The following CUL2 variants were observed in gnomAD, a reference collection of about 807,000 sequenced individuals.
CUL2 encodes cullin-2.
Under a neutral mutation model 110.2 loss-of-function variants are expected in CUL2, and 22 were observed. The ratio of observed to expected loss-of-function variants is 0.20; its 90% CI spans 0.14 to 0.28. The LOEUF is 0.28. Ranked by LOEUF, CUL2 falls within the 10% of genes least tolerant of loss-of-function variation. CUL2 has a pLI of 1.00. For missense variants in CUL2, 631 were observed against 905.5 expected (o/e 0.70, Z 3.89); for synonymous variants, 279 against 293.2 (o/e 0.95, Z 0.49).
chr10:35,117,850 T>C (rs1306240069), intron 1 of CUL2, among the ~76,000 whole-genome samples: 1 of 152,244 alleles, frequency 6.6e-6, no homozygotes, highest in East Asian at 1.9e-4. Context: ...AAGTATGCTC[T>C]TATGCTTTAA....
chr10:35,032,359 T>TA, intron 12 of CUL2, 76 bp downstream of exon 12: 2 of 1,261,838 alleles, frequency 1.6e-6, no homozygotes, highest in Non-Finnish European at 2.2e-6. Flanking sequence ...AAAACCAAAT[T>TA]AATTTGATAT....
rs749619133 is a variant in CUL2, at chr10:35,029,644, TAA to T, written c.1387-6_1387-5del. On this transcript the variant is annotated splice_region_variant and splice_polypyrimidine_tract_variant and intron_variant, in intron 14 of 20. Transcript: ENST00000374749. ...TAAACTCATAACCACAGGCTTGCTA[TAA>T]AAAAGTTTTAGAAAATACATGAATT... The T allele has an allele frequency of 5.7e-6, 9 of 1,576,804 alleles. No individual in the cohort carries two copies. The South Asian group carries it at 8.4e-5, about 15-fold the overall frequency.
intron 5 of CUL2, among the ~76,000 whole-genome samples, chr10:35,052,542 ATACT>A (rs1184371320): frequency 2.0e-5 from 3 of 152,346 alleles, no homozygotes; most frequent in Middle Eastern, 3.4e-3. Context: ...GGGTTCAAAA[ATACT>A]TAATGAATGA....
chr10:35,076,294 A>G (rs2086815481), intron 1 of CUL2, among the ~76,000 whole-genome samples: 1 of 152,174 alleles, frequency 6.6e-6, no homozygotes. Context: ...ATGACTGCCA[A>G]CAGGGTGAGG....
chr10:35,028,637 T>C (rs1159004423), intron 16 of CUL2, among the ~76,000 whole-genome samples, 173 bp downstream of exon 16: 1 of 152,226 alleles, frequency 6.6e-6, no homozygotes, highest in Non-Finnish European at 1.5e-5. Flanking sequence ...TTAGTATCAA[T>C]ATTAGTAACT....
chr10:35,072,648 G>A (rs1464661737), intron 1 of CUL2, among the ~76,000 whole-genome samples: 2 of 152,302 alleles, frequency 1.3e-5, no homozygotes, highest in Admixed American at 6.5e-5. Context: ...GATTACAGGC[G>A]TGAGCCACTG....
chr10:35,010,536 T>G lies in CUL2; in HGVS notation c.2107-94A>C, dbSNP rs1037449386. On this transcript the variant is annotated intron_variant, in intron 20 of 20. Coordinates refer to ENST00000374749, the MANE Select transcript of CUL2 (RefSeq NM_003591.4). ...TCAGTTTAAAGTGCCTCAAATGTAC[T>G]GAGGTTTCAACAAATGGGCCAAATT... is the stretch of plus-strand genomic sequence containing the variant. 3.9e-5 allele frequency: 49 copies of G among 1,271,798 alleles called. No homozygotes were observed. In the East Asian group the frequency reaches 1.3e-3, roughly 34 times the overall value. The allele number at this position is 1,271,798 out of a possible 1,614,324, so 78.8% of individuals were successfully genotyped here.
At chr10:35,103,570 G>A (rs1393510952) in intron 1 of CUL2, among the ~76,000 whole-genome samples, 121 of 151,928 alleles carry the variant, frequency 8.0e-4, no homozygotes, top group Non-Finnish European at 2.1e-4. Flanking sequence ...TGATCCGCCC[G>A]TCTCGGCCTC....
At chr10:35,036,629 A>G (rs80051769) in intron 9 of CUL2, among the ~76,000 whole-genome samples, 1 of 152,170 alleles carries the variant, frequency 6.6e-6, no homozygotes, top group South Asian at 2.1e-4. Flanking sequence ...CCATCTGGGT[A>G]TCTTCTATTC....
At chr10:35,060,998 G>C in intron 3 of CUL2, 30 bp from the exon 4 acceptor site, 1 of 1,579,886 alleles carries the variant, frequency 6.3e-7, no homozygotes, top group East Asian at 2.2e-5. Context: ...ATTTTTACTT[G>C]AAAAGCAATA....
chr10:35,105,311 A>C (rs1159057885), intron 1 of CUL2, among the ~76,000 whole-genome samples: 2 of 151,942 alleles, frequency 1.3e-5, no homozygotes, highest in Non-Finnish European at 2.9e-5. Flanking sequence ...CTGTAGTCCC[A>C]GCTACTCTGG....
chr10:35,028,860 G>A lies in CUL2; in HGVS notation c.1567C>T (p.Pro523Ser). Residue 523 changes from proline (P) to serine (S), a missense_variant, in exon 16 of 21, where the codon CCT becomes TCT. By Grantham distance (74) the Pro-to-Ser change is moderately conservative (BLOSUM62 -1). Transcript: ENST00000374749. ...TGGGGAATTGCAAACGTAGATGAAG[G>A]AGCCTGAGTAAGAGGCCACGCACCA... ...QAGAWPLTQA[P>S]SSTFAIPQEL... 2 of 1,611,382 alleles carry A rather than the reference G, an allele frequency of 1.2e-6. No individual in the cohort carries two copies. The highest frequency in any genetic ancestry group is 1.7e-6 in the Non-Finnish European group (2 of 1,178,314).
At chr10:35,026,872 T>C (rs2085348553) in intron 16 of CUL2, among the ~76,000 whole-genome samples, 1 of 152,146 alleles carries the variant, frequency 6.6e-6, no homozygotes, top group Non-Finnish European at 1.5e-5. Flanking sequence ...TTAGGGTACA[T>C]GTGCACAATG....
intron 10 of CUL2, among the ~76,000 whole-genome samples, chr10:35,033,829 C>G (rs375648174): frequency 1.3e-5 from 2 of 151,560 alleles, no homozygotes; most frequent in African/African-American, 4.8e-5. Flanking sequence ...CTGTCTAGTA[C>G]CTGTCAGAAG....
chr10:35,047,547 T>G (rs1311257719), intron 6 of CUL2, among the ~76,000 whole-genome samples: 1 of 143,832 alleles, frequency 7.0e-6, no homozygotes, highest in African/African-American at 2.6e-5. Context: ...CAGGCAGAAG[T>G]TGCAATGAGC....
In CUL2 at chr10:35,031,381, G is replaced by A. The variant is rs761586449; in HGVS notation, c.1305C>T (p.Tyr435=). The stretch of plus-strand genomic sequence containing the variant: ...TTAAACGTTTTGCCAGCATTCTTGC[G>A]TAGAACTACATTTAAAAATATTTTA... ...IDDKDVFQKF[Y]ARMLAKRLIH... is the part of the protein sequence containing the mutation. The change falls in exon 14 of 21, where the codon TAC becomes TAT. Residue 435 remains tyrosine (Y), a synonymous_variant. Transcript: ENST00000374749. This position sits in a 1 kb window ranked among gnomAD's most constrained non-coding sequence, Gnocchi z 4.4. 63 of 1,607,634 alleles carry A rather than the reference G, an allele frequency of 3.9e-5. 1 individual carries two copies. Among genetic ancestry groups the A allele is most frequent in the East Asian group, 1.8e-4 (8 of 44,784 alleles).
At chr10:35,016,936 A>C (rs550601086) in intron 17 of CUL2, among the ~76,000 whole-genome samples, 19 of 151,580 alleles carry the variant, frequency 1.3e-4, no homozygotes, top group East Asian at 7.7e-4. Context: ...CAAAAAAAAA[A>C]AAAAAACAAA....
rs142269717 is a variant in CUL2, at chr10:35,065,863, A to C, written c.120-2801T>G. Among the ~76,000 whole-genome samples, 1,205 of 152,316 alleles carry C rather than the reference A, an allele frequency of 7.9e-3. 20 individuals carry two copies. Among genetic ancestry groups the C allele is most frequent in the African/African-American group, 0.027 (1,132 of 41,562 alleles). ...ACAGAGCGAGACACCATCTCAAAAA[A>C]GAAAAAAAACACAAAATAACTAGGT... On this transcript the variant is annotated intron_variant, in intron 2 of 20. Coordinates refer to ENST00000374749, the MANE Select transcript of CUL2 (RefSeq NM_003591.4).
intron 1 of CUL2, among the ~76,000 whole-genome samples, chr10:35,107,031 G>T (rs1438722375): frequency 1.3e-5 from 2 of 151,922 alleles, no homozygotes; most frequent in Non-Finnish European, 2.9e-5. Context: ...GTAGAGTGCA[G>T]TGGCATGATC....
Sources: gnomAD v4.1 joint callset for allele counts (sites outside exome capture counted in the v4.1 genomes callset) on GRCh38, gnomAD v4.1.1 for gene constraint, Gnocchi (gnomAD v3.1) non-coding constraint, MANE v1.5 for transcripts, NCBI Gene and HGNC (gene_info 2026-07-23, HGNC 2026-07-21) for gene names.